Variants in KCNMA1 observed in about 807,000 individuals in gnomAD.
KCNMA1 encodes potassium calcium-activated channel subfamily M alpha 1.
Under a neutral mutation model 140.0 loss-of-function variants are expected in KCNMA1, and 29 were observed. The ratio of observed to expected loss-of-function variants is 0.21; its 90% CI spans 0.15 to 0.28. The LOEUF is 0.28. Among genes scored for constraint, KCNMA1 ranks in the 10% least tolerant of loss-of-function variants. The pLI is 1.00. For missense variants in KCNMA1, 880 were observed against 1,602.2 expected (o/e 0.55, Z 7.70); for synonymous variants, 612 against 611.9 (o/e 1.00, Z 0.00).
intron 14 of KCNMA1, among the ~76,000 whole-genome samples, chr10:77,041,007 A>T (rs2094637413): frequency 6.6e-6 from 1 of 152,120 alleles, no homozygotes; most frequent in Non-Finnish European, 1.5e-5. Context: ...TTTTTGAGAC[A>T]GTCTTGCTCT....
At chr10:76,919,728 T>C (rs984414668) in intron 23 of KCNMA1, among the ~76,000 whole-genome samples, 1 of 151,978 alleles carries the variant, frequency 6.6e-6, no homozygotes, top group African/African-American at 2.4e-5. Flanking sequence ...AAACCACAAA[T>C]ACCTCCCACA....
At chr10:76,907,435 T>A (rs1206369776) in intron 25 of KCNMA1, among the ~76,000 whole-genome samples, 1 of 152,228 alleles carries the variant, frequency 6.6e-6, no homozygotes, top group Non-Finnish European at 1.5e-5. Context: ...AGTTCTCCAG[T>A]GCTCAAACCG....
At chr10:77,158,187 CTTCT>C (rs2154072328) in intron 5 of KCNMA1, among the ~76,000 whole-genome samples, 1 of 152,284 alleles carries the variant, frequency 6.6e-6, no homozygotes, top group South Asian at 2.1e-4. Flanking sequence ...CCTCAAGAAT[CTTCT>C]TTGAGGCAAA....
chr10:77,386,614 T>C (rs184518017), intron 2 of KCNMA1, among the ~76,000 whole-genome samples: 109 of 152,332 alleles, frequency 7.2e-4, no homozygotes, highest in Admixed American at 1.6e-3. Flanking sequence ...AAAGAGAACT[T>C]TGCTTTGACA....
intron 1 of KCNMA1, among the ~76,000 whole-genome samples, chr10:77,441,841 T>C (rs899540568): frequency 2.7e-5 from 4 of 149,098 alleles, no homozygotes; most frequent in African/African-American, 9.9e-5. Context: ...GAGATCTTTT[T>C]TTTTTCTTCT....
intron 1 of KCNMA1, among the ~76,000 whole-genome samples, chr10:77,595,047 G>GA (rs796780482): frequency 1.8e-4 from 28 of 152,152 alleles, no homozygotes; most frequent in African/African-American, 6.7e-4. Context: ...CAAGTGAGTG[G>GA]AAAAAAAGGT....
chr10:77,577,237 C>T (rs549861079), intron 1 of KCNMA1, among the ~76,000 whole-genome samples: 84 of 151,770 alleles, frequency 5.5e-4, no homozygotes, highest in African/African-American at 1.4e-3. Flanking sequence ...TTAGTAGAGA[C>T]GGGGGTTTCA....
At chr10:76,879,806 G>C (rs1050937708) in intron 29 of KCNMA1, among the ~76,000 whole-genome samples, 1 of 152,152 alleles carries the variant, frequency 6.6e-6, no homozygotes, top group African/African-American at 2.4e-5. Flanking sequence ...CCAATTTTTT[G>C]TGATCTACGA....
chr10:77,506,596 A>AGAGAGAGAGAGTGTGTGTGTGTGTGTGT lies in KCNMA1; in HGVS notation c.379-102574_379-102573insACACACACACACACACACTCTCTCTCTC. 7.2e-5 allele frequency among the ~76,000 whole-genome samples: 6 copies of AGAGAGAGAGAGTGTGTGTGTGTGTGTGT among 83,568 alleles called. 1 individual carries two copies. The highest frequency in any genetic ancestry group is 4.4e-4 in the South Asian group (1 of 2,264). The allele number at this position is 83,568 out of a possible 152,430, so 54.8% of individuals were successfully genotyped here. ...TAGAGAGAGAGAGAGAGAGAGAGAG[A>AGAGAGAGAGAGTGTGTGTGTGTGTGTGT]GTGTGTGTGTGTGTGTGTGTGTGTT... On this transcript the variant is annotated intron_variant, in intron 1 of 27. Coordinates refer to ENST00000286628, the MANE Select transcript of KCNMA1 (RefSeq NM_001161352.2).
At chr10:77,179,362 A>C (rs546741427) in intron 5 of KCNMA1, among the ~76,000 whole-genome samples, 71 of 152,174 alleles carry the variant, frequency 4.7e-4, no homozygotes, top group African/African-American at 1.6e-3. Context: ...AGCAGGTCGG[A>C]TCTCCAAGCT....
intron 24 of KCNMA1, chr10:76,913,111 T>C (rs1032540899): frequency 6.6e-6 from 1 of 152,180 alleles, no homozygotes; most frequent in Non-Finnish European, 1.5e-5. Context: ...TATTTTGAAA[T>C]ATATTTTTGG....
At chr10:77,401,139 A>T (rs770972576) in intron 2 of KCNMA1, among the ~76,000 whole-genome samples, 1 of 147,750 alleles carries the variant, frequency 6.8e-6, no homozygotes, top group African/African-American at 2.5e-5. Flanking sequence ...TTGTTCTACA[A>T]ACTTCAAAAA....
chr10:77,162,508 G>T (rs1422904695), intron 5 of KCNMA1, among the ~76,000 whole-genome samples: 1 of 152,116 alleles, frequency 6.6e-6, no homozygotes, highest in Non-Finnish European at 1.5e-5. Context: ...AAAGATGGGG[G>T]TTTTTGTTGT....
intron 15 of KCNMA1, among the ~76,000 whole-genome samples, chr10:77,033,825 G>A (rs2094126104): frequency 6.6e-6 from 1 of 152,102 alleles, no homozygotes; most frequent in South Asian, 2.1e-4. Context: ...TTGGGTCTCT[G>A]TAGTAGAAAT....
chr10:77,107,025 C>G (rs923607278), intron 9 of KCNMA1, among the ~76,000 whole-genome samples: 3 of 152,168 alleles, frequency 2.0e-5, no homozygotes, highest in African/African-American at 4.8e-5. Flanking sequence ...AAAATGAGCC[C>G]TTTTGTCCAC....
intron 2 of KCNMA1, among the ~76,000 whole-genome samples, chr10:77,348,791 A>G (rs1361963147): frequency 6.6e-6 from 1 of 152,220 alleles, no homozygotes; most frequent in Non-Finnish European, 1.5e-5. Flanking sequence ...CTAGAAATTG[A>G]CACAATTAGA....
In KCNMA1 at chr10:77,282,535, T is replaced by C. The variant is rs1220841391; in HGVS notation, c.541-31279A>G. Among the ~76,000 whole-genome samples the C allele has an allele frequency of 4.6e-5, 7 of 152,304 alleles. No individual in the cohort carries two copies. In the South Asian group the frequency reaches 1.2e-3, roughly 27 times the overall value. Reference sequence around the variant, plus strand: ...TAGCAGAATGTGTGCAGGGCAGGTATATTAGAATTTCTGTAGGTTAAACTC... The same window carrying C: ...TAGCAGAATGTGTGCAGGGCAGGTACATTAGAATTTCTGTAGGTTAAACTC... On this transcript the variant is annotated intron_variant, in intron 2 of 27. Coordinates refer to ENST00000286628, the MANE Select transcript of KCNMA1 (RefSeq NM_001161352.2).
At chr10:77,128,184 A>G (rs949222618) in intron 5 of KCNMA1, among the ~76,000 whole-genome samples, 1 of 152,036 alleles carries the variant, frequency 6.6e-6, no homozygotes, top group Non-Finnish European at 1.5e-5. Context: ...TTGTAGTAAT[A>G]CAATTATGTT....
chr10:77,421,999 C>G (rs549845678), intron 1 of KCNMA1, among the ~76,000 whole-genome samples: 1 of 152,376 alleles, frequency 6.6e-6, no homozygotes, highest in South Asian at 2.1e-4. Flanking sequence ...GCCATCATTC[C>G]TCTTCTAACA....
Sources: gnomAD v4.1 joint callset for allele counts (sites outside exome capture counted in the v4.1 genomes callset) on GRCh38, gnomAD v4.1.1 for gene constraint, MANE v1.5 for transcripts, NCBI Gene and HGNC (gene_info 2026-07-23, HGNC 2026-07-21) for gene names.